ZNF385D: variants seen among roughly 807,000 people sequenced by gnomAD.
ZNF385D encodes zinc finger protein 659.
ZNF385D carries 15 observed loss-of-function variants against 35.8 expected under a neutral mutation model. The ratio of observed to expected loss-of-function variants is 0.42; its 90% CI spans 0.28 to 0.64. The LOEUF is 0.64. Among genes scored for constraint, ZNF385D ranks in the 30% least tolerant of loss-of-function variants. The pLI is 0.23. For synonymous variants in ZNF385D, 212 were observed against 186.8 expected (o/e 1.13, Z -1.10); for missense variants, 474 against 494.6 (o/e 0.96, Z 0.39).
chr3:21,438,461 A>C (rs1015998749), intron 4 of ZNF385D, among the ~76,000 whole-genome samples: 12 of 150,676 alleles, frequency 8.0e-5, no homozygotes, highest in Admixed American at 5.9e-4. Flanking sequence ...GTTCATTACT[A>C]CCAAGAGTTG....
At position 22,150,092 on chromosome 3, in the gene ZNF385D, T is replaced by C. The variant is rs1053617497; in HGVS notation, c.325+18725A>G. ...GTACTTTCATCTGCATTACTGCATT[T>C]GCTTTTCCCAAGAATCTCATTAAAT... On this transcript the variant is annotated intron_variant, in intron 3 of 5. Transcript: ENST00000494108. 2.6e-5 allele frequency among the ~76,000 whole-genome samples: 4 copies of C among 152,346 alleles called. No homozygotes were observed. The East Asian group carries it at 5.8e-4, about 22-fold the overall frequency.
intron 2 of ZNF385D, among the ~76,000 whole-genome samples, chr3:22,176,703 A>C (rs185227980): frequency 6.6e-6 from 1 of 152,274 alleles, no homozygotes; most frequent in African/African-American, 2.4e-5. Context: ...TTAGAATTGT[A>C]AGCTTCAAAT....
chr3:21,437,317 A>T, intron 4 of ZNF385D, 114 bp from the exon 5 acceptor site: 1 of 1,009,294 alleles, frequency 9.9e-7, no homozygotes, highest in Non-Finnish European at 1.4e-6. Flanking sequence ...GCAGCTAGCA[A>T]TTGCTGTTTG....
intron 2 of ZNF385D, among the ~76,000 whole-genome samples, chr3:21,648,228 A>G (rs909885007): frequency 6.6e-6 from 1 of 152,138 alleles, no homozygotes; most frequent in Admixed American, 6.5e-5. Flanking sequence ...AGTTCTCATG[A>G]GATCTGATGA....
chr3:21,867,568 T>A (rs1250025800), intron 3 of ZNF385D, among the ~76,000 whole-genome samples: 1 of 152,176 alleles, frequency 6.6e-6, no homozygotes, highest in East Asian at 1.9e-4. Flanking sequence ...TCTATTTGCA[T>A]CTTGTATTTA....
chr3:21,836,905 A>G (rs1194999496), intron 3 of ZNF385D, among the ~76,000 whole-genome samples: 2 of 152,090 alleles, frequency 1.3e-5, no homozygotes, highest in African/African-American at 4.8e-5. Context: ...CATTTGGCTT[A>G]TTCCACTCTT....
At chr3:21,805,738 T>C (rs572044118) in intron 3 of ZNF385D, among the ~76,000 whole-genome samples, 2 of 152,312 alleles carry the variant, frequency 1.3e-5, no homozygotes, top group South Asian at 2.1e-4. Context: ...GATTTCACTA[T>C]TTCCTCTCCT....
intron 2 of ZNF385D, among the ~76,000 whole-genome samples, chr3:21,573,924 G>C (rs2063410955): frequency 6.6e-6 from 1 of 151,966 alleles, no homozygotes; most frequent in Non-Finnish European, 1.5e-5. Flanking sequence ...GCTGGGTGTG[G>C]TGGCGGGCGC....
chr3:22,131,099 T>C (rs548564192), intron 3 of ZNF385D, among the ~76,000 whole-genome samples: 1 of 152,280 alleles, frequency 6.6e-6, no homozygotes, highest in South Asian at 2.1e-4. Context: ...AAATTCATGA[T>C]GTTTGGATAA....
At chr3:21,932,277 C>A (rs951953530) in intron 3 of ZNF385D, among the ~76,000 whole-genome samples, 1 of 143,980 alleles carries the variant, frequency 6.9e-6, no homozygotes, top group Non-Finnish European at 1.5e-5. Context: ...ATCTTTACAA[C>A]AAATATCATA....
intron 3 of ZNF385D, among the ~76,000 whole-genome samples, chr3:22,137,314 C>T (rs975516470): frequency 6.6e-6 from 1 of 152,180 alleles, no homozygotes; most frequent in Non-Finnish European, 1.5e-5. Flanking sequence ...CTCCCTAACT[C>T]ATTTTACGAG....
chr3:21,699,780 A>G (rs2067606496), intron 1 of ZNF385D, among the ~76,000 whole-genome samples: 1 of 150,894 alleles, frequency 6.6e-6, no homozygotes, highest in Non-Finnish European at 1.5e-5. Flanking sequence ...ATTTAAAATT[A>G]CATATGTGAC....
At chr3:21,639,771 T>G (rs1285809400) in intron 2 of ZNF385D, among the ~76,000 whole-genome samples, 2 of 152,018 alleles carry the variant, frequency 1.3e-5, no homozygotes, top group Non-Finnish European at 2.9e-5. Flanking sequence ...ATGCCCTGCT[T>G]TAAGCAATTT....
chr3:21,814,572 A>C (rs1367201155), intron 3 of ZNF385D, among the ~76,000 whole-genome samples: 1 of 152,210 alleles, frequency 6.6e-6, no homozygotes, highest in Non-Finnish European at 1.5e-5. Context: ...AACAAAGATC[A>C]AAAGAGACAA....
intron 3 of ZNF385D, among the ~76,000 whole-genome samples, chr3:21,529,104 A>G (rs988319825): frequency 6.6e-6 from 1 of 152,034 alleles, no homozygotes; most frequent in African/African-American, 2.4e-5. Context: ...CACTTTTTCC[A>G]TATTTTTTTT....
intron 3 of ZNF385D, among the ~76,000 whole-genome samples, chr3:22,134,753 G>A (rs1029285038): frequency 6.6e-6 from 1 of 152,116 alleles, no homozygotes; most frequent in Admixed American, 6.6e-5. Context: ...TAGCTGGCAA[G>A]GGCCTCCCTG....
At chr3:21,759,698 C>T (rs557849840) in intron 3 of ZNF385D, among the ~76,000 whole-genome samples, 1 of 151,998 alleles carries the variant, frequency 6.6e-6, no homozygotes, top group South Asian at 2.1e-4. Flanking sequence ...CAGAATCAGC[C>T]CTCCCAGACC....
chr3:22,237,474 C>T (rs1699251380), intron 2 of ZNF385D, among the ~76,000 whole-genome samples: 1 of 152,056 alleles, frequency 6.6e-6, no homozygotes, highest in East Asian at 1.9e-4. Context: ...TTTGATAGTG[C>T]TAGTTAATGC....
In ZNF385D at chr3:21,417,223, C is replaced by G. The variant is rs1462687903; in HGVS notation, c.*3991G>C. 2 of 152,014 alleles carry G rather than the reference C, an allele frequency of 1.3e-5. No individual in the cohort carries two copies. Among genetic ancestry groups the G allele is most frequent in the African/African-American group, 4.8e-5 (2 of 41,390 alleles). The allele number at this position is 152,014 out of a possible 1,614,324, so 9.4% of individuals were successfully genotyped here. ...TATTCCTGAGAGGATAAAAGCAATG[C>G]CCCTCTAGTGCTGATGTATTAAACC... On this transcript the variant is annotated 3_prime_UTR_variant, in exon 8 of 8. Coordinates refer to ENST00000281523, the MANE Select transcript of ZNF385D (RefSeq NM_024697.3).
Sources: allele counts gnomAD v4.1 joint callset (sites outside exome capture counted in the v4.1 genomes callset), GRCh38; gene constraint gnomAD v4.1.1; transcripts MANE v1.5; gene names NCBI Gene and HGNC (gene_info 2026-07-23, HGNC 2026-07-21).